The following PDLIM4 variants were observed in gnomAD, a reference collection of about 807,000 sequenced individuals.
The protein encoded by PDLIM4 is PDZ and LIM domain 4.
A neutral mutation model predicts 31.3 loss-of-function variants in PDLIM4; 19 were observed. The ratio of observed to expected loss-of-function variants is 0.61; its 90% CI spans 0.42 to 0.89. The LOEUF (loss-of-function observed/expected upper bound fraction) is 0.89. PDLIM4 is among the 40% of genes least tolerant of loss of function. The probability of loss-of-function intolerance (pLI) is 0.00; values close to 1 mark genes in which losing one functional copy is unlikely to be tolerated. For missense variants in PDLIM4, 442 were observed against 461.1 expected (o/e 0.96, Z 0.38); for synonymous variants, 176 against 190.1 (o/e 0.93, Z 0.61).
rs151146242 is a variant in PDLIM4, at chr5:132,258,824, T to A, written c.93+997T>A. Among the ~76,000 whole-genome samples the A allele has an allele frequency of 2.4e-3, 361 of 152,292 alleles. 1 individual carries two copies. Among genetic ancestry groups the A allele is most frequent in the African/African-American group, 8.4e-3 (349 of 41,556 alleles). On this transcript the variant is annotated intron_variant, in intron 1 of 6. Coordinates refer to ENST00000253754, the MANE Select transcript of PDLIM4 (RefSeq NM_003687.4). ...CATCCCTTGCTCCCACACAGGCTGA[T>A]CTTGTCTTTGGGGGCCTGTGTCAGA... is the stretch of plus-strand genomic sequence containing the variant.
intron 1 of PDLIM4, 87 bp from the exon 2 acceptor site, chr5:132,262,522 G>A: frequency 3.1e-6 from 4 of 1,283,884 alleles, no homozygotes; most frequent in Non-Finnish European, 4.2e-6. Flanking sequence ...CACTGGCTAG[G>A]TTCTGAGGTT....
intron 1 of PDLIM4, among the ~76,000 whole-genome samples, chr5:132,262,367 A>G (rs1303373505): frequency 4.6e-5 from 7 of 152,160 alleles, no homozygotes; most frequent in Admixed American, 4.6e-4. Flanking sequence ...GCCCTGAGGA[A>G]GCCCTTCTCG....
intron 2 of PDLIM4, among the ~76,000 whole-genome samples, chr5:132,263,820 C>T (rs1329124518): frequency 6.6e-6 from 1 of 152,194 alleles, no homozygotes; most frequent in Non-Finnish European, 1.5e-5. Flanking sequence ...GAGGTCAGCC[C>T]TGTTTGTGCT....
rs1334386095 is a variant in PDLIM4, at chr5:132,272,988, A to G, written c.*759A>G. 1 of 152,404 alleles carries G rather than the reference A, an allele frequency of 6.6e-6. No homozygotes were observed. The highest frequency in any genetic ancestry group is 1.5e-5 in the Non-Finnish European group (1 of 68,144). The allele number at this position is 152,404 out of a possible 1,614,324, so 9.4% of individuals were successfully genotyped here. ...TTTAGAAAGAAAAGAACACTTGCCCAGGGCAGCTTTGCCCTCCAAGAGGCT... is the reference window on the plus strand; with the variant it reads ...TTTAGAAAGAAAAGAACACTTGCCCGGGGCAGCTTTGCCCTCCAAGAGGCT... On this transcript the variant is annotated 3_prime_UTR_variant, in exon 7 of 7. Coordinates refer to ENST00000253754, the MANE Select transcript of PDLIM4 (RefSeq NM_003687.4).
At chr5:132,258,033 C>T (rs1209431225) in intron 1 of PDLIM4, among the ~76,000 whole-genome samples, 1 of 152,202 alleles carries the variant, frequency 6.6e-6, no homozygotes, top group Non-Finnish European at 1.5e-5. Context: ...TCTGCCCGAT[C>T]CCGCGAAGAA....
At chr5:132,268,247 G>C (rs904373179) in intron 3 of PDLIM4, among the ~76,000 whole-genome samples, 1 of 152,200 alleles carries the variant, frequency 6.6e-6, no homozygotes, top group South Asian at 2.1e-4. Flanking sequence ...TGGGCTCCAT[G>C]GGTGGTGACA....
At chr5:132,271,573 T>C in intron 5 of PDLIM4, 107 bp downstream of exon 5, 1 of 1,236,208 alleles carries the variant, frequency 8.1e-7, no homozygotes, top group Non-Finnish European at 1.2e-6. Flanking sequence ...CCCTCTTCGG[T>C]CTCTGCGGCC....
At chr5:132,270,866 T>C in intron 3 of PDLIM4, 49 bp from the exon 4 acceptor site, 2 of 1,554,360 alleles carry the variant, frequency 1.3e-6, no homozygotes, top group Admixed American at 1.7e-5. Flanking sequence ...GAACAAGGAA[T>C]GGCTGGAGGC....
Position 132,270,900 on chromosome 5 carries a change from G to C in PDLIM4, c.328-15G>C. ...GCCAGAGGGTCTCCCAGTGCCTTAG[G>C]CCTCTCTCTAATAGGACGGCAGCCC... is the stretch of plus-strand genomic sequence containing the variant. On this transcript the variant is annotated splice_polypyrimidine_tract_variant and intron_variant, in intron 3 of 6. Coordinates refer to ENST00000253754, the MANE Select transcript of PDLIM4 (RefSeq NM_003687.4). The C allele has an allele frequency of 1.9e-6, 3 of 1,613,294 alleles. No homozygotes were observed. The highest frequency in any genetic ancestry group is 2.5e-6 in the Non-Finnish European group (3 of 1,179,344).
chr5:132,272,526 C>A lies in PDLIM4; in HGVS notation c.*297C>A. 1 of 470,124 alleles carries A rather than the reference C, an allele frequency of 2.1e-6. No homozygotes were observed. Among genetic ancestry groups the A allele is most frequent in the Non-Finnish European group, 3.9e-6 (1 of 253,558 alleles). 29.1% of individuals were successfully genotyped at this position (470,124 alleles called of 1,614,324 possible). ...TCACAACGGGCCAGCTCTAGTAATA[C>A]GAAGGTGAGGTCTGGGATGCTGCGT... On this transcript the variant is annotated 3_prime_UTR_variant, in exon 7 of 7. Transcript: ENST00000253754.
chr5:132,263,516 G>A (rs1340477988), intron 2 of PDLIM4, among the ~76,000 whole-genome samples: 2 of 151,924 alleles, frequency 1.3e-5, no homozygotes, highest in Non-Finnish European at 2.9e-5. Flanking sequence ...GGGGGTGGGG[G>A]TGGGGGGACC....
At position 132,257,762 on chromosome 5, in the gene PDLIM4, C is replaced by G. The variant is rs1356739590; in HGVS notation, c.28C>G (p.Pro10Ala). Residue 10 changes from proline (P) to alanine (A), a missense_variant, in exon 1 of 7, where the codon CCT (proline) becomes GCT (alanine). Physicochemically the swap from Pro to Ala is conservative, Grantham distance 27. Transcript: ENST00000253754. This position sits in a 1 kb window ranked among gnomAD's most constrained non-coding sequence, Gnocchi z 4.3. ...GCCCCATTCCGTGACCCTGCGCGGG[C>G]CTTCGCCCTGGGGCTTCCGCCTGGT... MPHSVTLRGPSPWGFRLVGG... is the reference protein window; with the variant it reads MPHSVTLRGASPWGFRLVGG... 2 of 1,500,954 alleles carry G rather than the reference C, an allele frequency of 1.3e-6. No homozygotes were observed. Among genetic ancestry groups the G allele is most frequent in the African/African-American group, 1.4e-5 (1 of 69,372 alleles). 93.0% of individuals were successfully genotyped at this position (1,500,954 alleles called of 1,614,324 possible).
intron 2 of PDLIM4, among the ~76,000 whole-genome samples, chr5:132,264,835 T>G (rs1756455099): frequency 6.6e-6 from 1 of 150,976 alleles, no homozygotes; most frequent in African/African-American, 2.4e-5. Context: ...AGCTACCCTG[T>G]GCTCTCACTC....
At chr5:132,264,745 A>C (rs1756452126) in intron 2 of PDLIM4, among the ~76,000 whole-genome samples, 1 of 151,164 alleles carries the variant, frequency 6.6e-6, no homozygotes, top group South Asian at 2.1e-4. Flanking sequence ...GCCCCCAACG[A>C]CACTCCTCCC....
At chr5:132,264,402 C>A (rs1756444432) in intron 2 of PDLIM4, among the ~76,000 whole-genome samples, 2 of 152,152 alleles carry the variant, frequency 1.3e-5, no homozygotes, top group African/African-American at 4.8e-5. Flanking sequence ...GAGAATTATG[C>A]TCATAATTTT....
At chr5:132,269,163 C>T (rs1036916037) in intron 3 of PDLIM4, among the ~76,000 whole-genome samples, 3 of 152,044 alleles carry the variant, frequency 2.0e-5, no homozygotes, top group African/African-American at 7.2e-5. Flanking sequence ...CATGTGTGTC[C>T]TAGCCACAGA....
chr5:132,263,123 A>G (rs868833398), intron 2 of PDLIM4, among the ~76,000 whole-genome samples: 1 of 152,168 alleles, frequency 6.6e-6, no homozygotes, highest in Non-Finnish European at 1.5e-5. Context: ...TTCTTGTGCA[A>G]CACCTCATTT....
chr5:132,260,372 GC>G (rs1177662543), intron 1 of PDLIM4, among the ~76,000 whole-genome samples: 5 of 152,086 alleles, frequency 3.3e-5, no homozygotes, highest in Admixed American at 6.5e-5. Context: ...GTGACTTCCC[GC>G]TTAGAGCCCT....
At chr5:132,264,756 C>T (rs867822100) in intron 2 of PDLIM4, among the ~76,000 whole-genome samples, 4 of 151,856 alleles carry the variant, frequency 2.6e-5, no homozygotes, top group Non-Finnish European at 4.4e-5. Context: ...CACTCCTCCC[C>T]GCCCCCACCA....
Sources: gnomAD v4.1 joint callset for allele counts (sites outside exome capture counted in the v4.1 genomes callset) on GRCh38, gnomAD v4.1.1 for gene constraint, Gnocchi (gnomAD v3.1) non-coding constraint, MANE v1.5 for transcripts, NCBI Gene and HGNC (gene_info 2026-07-23, HGNC 2026-07-21) for gene names.